The following CAMTA1 variants were observed in gnomAD, a reference collection of about 807,000 sequenced individuals.
CAMTA1 encodes calmodulin-binding transcription activator 1.
A neutral mutation model predicts 170.9 loss-of-function variants in CAMTA1; 27 were observed. That is an observed-to-expected ratio of 0.16 (90% CI 0.12 to 0.22). CAMTA1 has a LOEUF of 0.22. Ranked by LOEUF, CAMTA1 falls within the 10% of genes least tolerant of loss-of-function variation. CAMTA1 has a pLI of 1.00. For missense variants in CAMTA1, 1,619 were observed against 2,217.2 expected (o/e 0.73, Z 5.42); for synonymous variants, 833 against 891.5 (o/e 0.93, Z 1.17).
intron 4 of CAMTA1, among the ~76,000 whole-genome samples, chr1:7,227,520 G>A (rs937400036): frequency 6.6e-6 from 1 of 151,932 alleles, no homozygotes; most frequent in Non-Finnish European, 1.5e-5. Flanking sequence ...GTAGAGACGG[G>A]GTTTCTCCAT....
At chr1:7,003,335 A>G (rs960346163) in intron 3 of CAMTA1, among the ~76,000 whole-genome samples, 5 of 152,204 alleles carry the variant, frequency 3.3e-5, no homozygotes, top group Non-Finnish European at 4.4e-5. Context: ...TCTGAATTGC[A>G]TTTTGCAGAG....
chr1:7,457,212 T>A (rs2092977993), intron 5 of CAMTA1, among the ~76,000 whole-genome samples: 1 of 152,154 alleles, frequency 6.6e-6, no homozygotes, highest in African/African-American at 2.4e-5. Flanking sequence ...TGCCCACTAA[T>A]TTATTAATCT....
chr1:7,112,540 C>T (rs1002905403), intron 4 of CAMTA1, among the ~76,000 whole-genome samples: 1 of 152,234 alleles, frequency 6.6e-6, no homozygotes, highest in East Asian at 1.9e-4. Flanking sequence ...CCAGATGGAA[C>T]GCTCTTCCCT....
rs1310079832 is a variant in CAMTA1, at chr1:7,547,981, ATGTC to A, written c.510+80083_510+80086del. Among the ~76,000 whole-genome samples, 1 of 152,166 alleles carries A rather than the reference ATGTC, an allele frequency of 6.6e-6. No homozygotes were observed. Among genetic ancestry groups the A allele is most frequent in the Non-Finnish European group, 1.5e-5 (1 of 68,028 alleles). On this transcript the variant is annotated intron_variant, in intron 6 of 22. Transcript: ENST00000303635. The surrounding 1 kb of genome is among the most constrained non-coding windows in gnomAD (Gnocchi z 5.7). ...GAAACAGTGACGTGATTGATTAGTA[ATGTC>A]TGCCATGAACAGAGGGACAGGAAGG...
At chr1:7,411,223 A>G (rs946354016) in intron 5 of CAMTA1, among the ~76,000 whole-genome samples, 3 of 152,148 alleles carry the variant, frequency 2.0e-5, no homozygotes, top group Non-Finnish European at 4.4e-5. Flanking sequence ...GGACCCTGGG[A>G]TGGCAAGTTC....
At chr1:7,338,007 C>T (rs964104932) in intron 5 of CAMTA1, among the ~76,000 whole-genome samples, 2 of 142,030 alleles carry the variant, frequency 1.4e-5, no homozygotes, top group Admixed American at 6.9e-5. Flanking sequence ...TATATAGCTA[C>T]ATAACATATA....
At chr1:7,556,649 G>A (rs1240232317) in intron 6 of CAMTA1, among the ~76,000 whole-genome samples, 3 of 152,102 alleles carry the variant, frequency 2.0e-5, no homozygotes, top group African/African-American at 7.2e-5. Context: ...CCACGCTCCA[G>A]ACACACTGGC....
rs74612733 is a variant in CAMTA1 at position 7,435,915 on chromosome 1, A to T, written c.439-31915A>T. On this transcript the variant is annotated intron_variant, in intron 5 of 22. Transcript: ENST00000303635. The surrounding 1 kb of genome is among the most constrained non-coding windows in gnomAD (Gnocchi z 4.4). Reference sequence around the variant, plus strand: ...GGCTGTGCTGCACCCTGGGGAAGATACTGTCTTAGGTACAAGAGGCACCTC... The same window carrying T: ...GGCTGTGCTGCACCCTGGGGAAGATTCTGTCTTAGGTACAAGAGGCACCTC... Among the ~76,000 whole-genome samples the T allele has an allele frequency of 0.035, 5,290 of 152,134 alleles. 308 individuals are homozygous for T. Among genetic ancestry groups the T allele is most frequent in the African/African-American group, 0.12 (4,990 of 41,474 alleles).
rs186440045 is a variant in CAMTA1 at position 7,632,097 on chromosome 1, C to T, written c.511-8303C>T. Among the ~76,000 whole-genome samples the T allele has an allele frequency of 1.9e-3, 293 of 152,358 alleles. 1 individual carries two copies. The highest frequency in any genetic ancestry group is 6.0e-3 in the African/African-American group (248 of 41,578). On this transcript the variant is annotated intron_variant, in intron 6 of 22. Transcript: ENST00000303635. Reference sequence around the variant, plus strand: ...CTTCTCCCTCCCAGCCTTGCACACCCGTTTCACAGGCTCCTACCCTCGTTG... The same window carrying T: ...CTTCTCCCTCCCAGCCTTGCACACCTGTTTCACAGGCTCCTACCCTCGTTG...
At chr1:6,787,403 TTC>T (rs1466918210) in intron 1 of CAMTA1, among the ~76,000 whole-genome samples, 3 of 152,350 alleles carry the variant, frequency 2.0e-5, no homozygotes, top group Admixed American at 6.5e-5. Flanking sequence ...TTTGAATGCT[TTC>T]TGTTTTTTGC....
At chr1:7,355,042 C>G (rs944184937) in intron 5 of CAMTA1, among the ~76,000 whole-genome samples, 1 of 151,904 alleles carries the variant, frequency 6.6e-6, no homozygotes, top group Non-Finnish European at 1.5e-5. Flanking sequence ...CCTGTCTCTA[C>G]TAAAAATACA....
intron 6 of CAMTA1, among the ~76,000 whole-genome samples, chr1:7,512,595 G>A (rs2094217219): frequency 6.6e-6 from 1 of 152,262 alleles, no homozygotes; most frequent in Non-Finnish European, 1.5e-5. Context: ...TCTGAGAGCA[G>A]AAGGCGGGAG....
chr1:7,751,720 A>G (rs908765059), intron 20 of CAMTA1, among the ~76,000 whole-genome samples: 2 of 15,072 alleles, frequency 1.3e-4, no homozygotes, highest in Non-Finnish European at 3.8e-4. Context: ...CCTGTTTAGG[A>G]AAAAAAAAAA....
At chr1:7,132,152 G>A (rs920082351) in intron 4 of CAMTA1, among the ~76,000 whole-genome samples, 8 of 151,968 alleles carry the variant, frequency 5.3e-5, no homozygotes, top group African/African-American at 1.9e-4. Context: ...ATACATTTTA[G>A]AAATTTTAAC....
At chr1:7,396,767 C>CCTTGATTATGTTAATGT (rs1553155867) in intron 5 of CAMTA1, among the ~76,000 whole-genome samples, 3 of 152,024 alleles carry the variant, frequency 2.0e-5, no homozygotes, top group African/African-American at 7.3e-5. Flanking sequence ...TAGTTTTTGT[C>CCTTGATTATGTTAATGT]CTTGATTATG....
chr1:7,630,731 C>T (rs983711087), intron 6 of CAMTA1, among the ~76,000 whole-genome samples: 2 of 152,230 alleles, frequency 1.3e-5, no homozygotes, highest in Non-Finnish European at 2.9e-5. Flanking sequence ...CCTCTGCCCT[C>T]GCCTGTAGGC....
At chr1:7,214,558 G>C (rs1046723370) in intron 4 of CAMTA1, among the ~76,000 whole-genome samples, 4 of 152,102 alleles carry the variant, frequency 2.6e-5, no homozygotes, top group Middle Eastern at 3.2e-3. Flanking sequence ...AGTAGAGACA[G>C]GGTTTCACCA....
chr1:7,741,859 G>T (rs1043987165), intron 16 of CAMTA1, among the ~76,000 whole-genome samples: 3 of 151,692 alleles, frequency 2.0e-5, no homozygotes, highest in Non-Finnish European at 4.4e-5. Context: ...GGATGGTCTC[G>T]ATCTCCTGAC....
Position 6,960,537 on chromosome 1 carries a change from C to T in CAMTA1, c.235-130767C>T, listed in dbSNP as rs555483365. Among the ~76,000 whole-genome samples the T allele has an allele frequency of 5.4e-4, 83 of 152,296 alleles. 1 individual carries two copies. The highest frequency in any genetic ancestry group is 1.9e-3 in the African/African-American group (80 of 41,554). On this transcript the variant is annotated intron_variant, in intron 3 of 22. Transcript: ENST00000303635. ...GTCTTTCAAAGTCCAGCTCAAATGT[C>T]ACCTCCTCGGCAAAGACTCCCCCAC...
Sources: gnomAD v4.1 joint callset for allele counts (sites outside exome capture counted in the v4.1 genomes callset) on GRCh38, gnomAD v4.1.1 for gene constraint, Gnocchi (gnomAD v3.1) non-coding constraint, MANE v1.5 for transcripts, NCBI Gene and HGNC (gene_info 2026-07-23, HGNC 2026-07-21) for gene names.